CNNM1: variants seen among roughly 807,000 people sequenced by gnomAD.
CNNM1 encodes the protein cyclin and CBS domain divalent metal cation transport mediator 1.
Under a neutral mutation model 78.8 loss-of-function variants are expected in CNNM1, and 44 were observed. That is an observed-to-expected ratio of 0.56 (90% CI 0.44 to 0.72). The LOEUF (loss-of-function observed/expected upper bound fraction) is 0.72. CNNM1 is among the 30% of genes least tolerant of loss of function. The pLI is 0.00. For synonymous variants in CNNM1, 584 were observed against 581.5 expected (o/e 1.00, Z -0.06); for missense variants, 1,101 against 1,292.2 (o/e 0.85, Z 2.27).
At chr10:99,342,522 T>C (rs2030498981) in intron 1 of CNNM1, among the ~76,000 whole-genome samples, 1 of 152,236 alleles carries the variant, frequency 6.6e-6, no homozygotes, top group Non-Finnish European at 1.5e-5. Context: ...GCAGGATAAT[T>C]ACTATAAAGT....
chr10:99,345,059 A>T (rs963602796), intron 1 of CNNM1, among the ~76,000 whole-genome samples: 7 of 152,240 alleles, frequency 4.6e-5, no homozygotes, highest in Non-Finnish European at 1.0e-4. Flanking sequence ...CAAGAGGCAG[A>T]CAGACCTGGG....
chr10:99,361,008 A>C, intron 3 of CNNM1, 33 bp downstream of exon 3: 2 of 1,569,492 alleles, frequency 1.3e-6, no homozygotes, highest in Non-Finnish European at 1.7e-6. Flanking sequence ...AGAAGCTAAA[A>C]CAGAATCTCT....
intron 10 of CNNM1, among the ~76,000 whole-genome samples, 194 bp from the exon 11 acceptor site, chr10:99,391,243 A>G (rs578179816): frequency 6.6e-6 from 1 of 152,376 alleles, no homozygotes; most frequent in East Asian, 1.9e-4. Context: ...TCTTATGTGG[A>G]AAGTACGTCC....
At chr10:99,386,136 A>G (rs1241104388) in intron 7 of CNNM1, among the ~76,000 whole-genome samples, 2 of 152,254 alleles carry the variant, frequency 1.3e-5, no homozygotes, top group African/African-American at 2.4e-5. Flanking sequence ...AGCATGGAAT[A>G]TACCATTTTG....
intron 6 of CNNM1, among the ~76,000 whole-genome samples, chr10:99,369,817 G>A (rs2031742438): frequency 6.6e-6 from 1 of 152,070 alleles, no homozygotes; most frequent in South Asian, 2.1e-4. Flanking sequence ...CCAATCTGGT[G>A]CCCTCACCAG....
chr10:99,390,450 A>G, intron 10 of CNNM1, 43 bp downstream of exon 10: 1 of 1,395,878 alleles, frequency 7.2e-7, no homozygotes, highest in Non-Finnish European at 1.0e-6. Context: ...CACCCTGCTG[A>G]TGGTTAGTAG....
intron 1 of CNNM1, among the ~76,000 whole-genome samples, chr10:99,331,393 T>A (rs1029209065): frequency 2.6e-5 from 4 of 152,218 alleles, no homozygotes; most frequent in African/African-American, 9.7e-5. Flanking sequence ...CAGAGCAAAC[T>A]AATTCCATTG....
intron 6 of CNNM1, among the ~76,000 whole-genome samples, chr10:99,372,279 C>T (rs942428777): frequency 6.6e-6 from 1 of 152,166 alleles, no homozygotes; most frequent in Non-Finnish European, 1.5e-5. Flanking sequence ...AAGTAGCCAA[C>T]CCAGGACAGA....
intron 1 of CNNM1, among the ~76,000 whole-genome samples, chr10:99,334,197 T>C (rs1370038068): frequency 6.6e-6 from 1 of 152,226 alleles, no homozygotes; most frequent in Non-Finnish European, 1.5e-5. Flanking sequence ...TAACAGTGTT[T>C]GGTAGATCTA....
At chr10:99,377,334 T>A in intron 7 of CNNM1, 116 bp downstream of exon 7, 2 of 985,676 alleles carry the variant, frequency 2.0e-6, no homozygotes, top group Non-Finnish European at 3.0e-6. Context: ...TCCCCTGTGT[T>A]CCAATACAGT....
At chr10:99,384,912 CAA>C (rs1223116013) in intron 7 of CNNM1, among the ~76,000 whole-genome samples, 1 of 151,838 alleles carries the variant, frequency 6.6e-6, no homozygotes, top group Non-Finnish European at 1.5e-5. Context: ...ATTAAAAATA[CAA>C]AAAAATAAGC....
At chr10:99,388,667 C>T (rs540548379) in intron 9 of CNNM1, among the ~76,000 whole-genome samples, 1 of 152,290 alleles carries the variant, frequency 6.6e-6, no homozygotes, top group South Asian at 2.1e-4. Context: ...TAAATTATGA[C>T]AGCTATCTTA....
chr10:99,377,387 G>T, intron 7 of CNNM1, 169 bp downstream of exon 7: 1 of 614,680 alleles, frequency 1.6e-6, no homozygotes. Flanking sequence ...GCTGTTTTCA[G>T]TAAGCTTTAG....
chr10:99,364,791 G>A (rs939235133), intron 5 of CNNM1, among the ~76,000 whole-genome samples, 164 bp from the exon 6 acceptor site: 1 of 152,110 alleles, frequency 6.6e-6, no homozygotes, highest in Non-Finnish European at 1.5e-5. Context: ...AGTATGAAAA[G>A]ACAAGTTTAT....
intron 7 of CNNM1, among the ~76,000 whole-genome samples, chr10:99,385,217 T>C (rs1403646346): frequency 2.0e-5 from 3 of 152,174 alleles, no homozygotes; most frequent in Admixed American, 6.5e-5. Context: ...TACCAACTTA[T>C]AGGGGCCCTG....
intron 7 of CNNM1, among the ~76,000 whole-genome samples, chr10:99,381,922 C>CT (rs1236454023): frequency 1.3e-5 from 2 of 151,554 alleles, no homozygotes; most frequent in Non-Finnish European, 2.9e-5. Context: ...AAATTACCTC[C>CT]TCCTGATTGA....
At chr10:99,332,361 A>C (rs2029956624) in intron 1 of CNNM1, among the ~76,000 whole-genome samples, 1 of 152,214 alleles carries the variant, frequency 6.6e-6, no homozygotes, top group Admixed American at 6.5e-5. Flanking sequence ...CTTCAGATAT[A>C]GCTTCCTAAT....
At chr10:99,374,606 T>G (rs1219290688) in intron 6 of CNNM1, among the ~76,000 whole-genome samples, 1 of 152,216 alleles carries the variant, frequency 6.6e-6, no homozygotes, top group Non-Finnish European at 1.5e-5. Flanking sequence ...GTTTGATGAT[T>G]TAAGAGCTTT....
Position 99,340,876 on chromosome 10 carries a change from T to TCCTTCCTTCCTG in CNNM1, c.1573+9919_1573+9920insTCCTTCCTGCCT, listed in dbSNP as rs71009744. 3.8e-4 allele frequency among the ~76,000 whole-genome samples: 52 copies of TCCTTCCTTCCTG among 138,254 alleles called. No homozygotes were observed. In the East Asian group the frequency reaches 4.4e-3, roughly 12 times the overall value. 90.7% of individuals were successfully genotyped at this position (138,254 alleles called of 152,430 possible). A position where few individuals can be genotyped will look rare whatever the true frequency, so the allele number is the denominator to read the frequency against. On this transcript the variant is annotated intron_variant, in intron 1 of 10. Coordinates refer to ENST00000356713, the MANE Select transcript of CNNM1 (RefSeq NM_020348.3). Reference sequence around the variant, plus strand: ...CTCCTTCCCCGCTTCCTTCCTTCCTTCCTGCCTGCCTGCCTGCCTGCCTGC... The same window carrying TCCTTCCTTCCTG: ...CTCCTTCCCCGCTTCCTTCCTTCCTTCCTTCCTTCCTGCCTGCCTGCCTGCCTGCCTGCCTGC...
Sources: allele counts gnomAD v4.1 joint callset (sites outside exome capture counted in the v4.1 genomes callset), GRCh38; gene constraint gnomAD v4.1.1; transcripts MANE v1.5; gene names NCBI Gene and HGNC (gene_info 2026-07-23, HGNC 2026-07-21).